The following HIVEP3 variants were observed in gnomAD, a reference collection of about 807,000 sequenced individuals.
The protein encoded by HIVEP3 is HIVEP zinc finger 3, also known as transcription factor HIVEP3.
Under a neutral mutation model 152.8 loss-of-function variants are expected in HIVEP3, and 49 were observed. The observed-to-expected ratio is 0.32, with a 90% CI of 0.26 to 0.41. The LOEUF (loss-of-function observed/expected upper bound fraction) is 0.41, where lower values mean the gene tolerates loss of function less well. Ranked by LOEUF, HIVEP3 falls within the 10% of genes least tolerant of loss-of-function variation. The pLI, the probability that HIVEP3 is intolerant of heterozygous loss-of-function variation, is 1.00. For synonymous variants in HIVEP3, 1,269 were observed against 1,289.0 expected (o/e 0.98, Z 0.33); for missense variants, 2,790 against 3,103.3 (o/e 0.90, Z 2.40).
chr1:41,587,417 C>A (rs960284401), intron 3 of HIVEP3, among the ~76,000 whole-genome samples: 5 of 152,144 alleles, frequency 3.3e-5, no homozygotes, highest in Admixed American at 6.5e-5. Flanking sequence ...ACAGGGTGGC[C>A]ATATAAGATA....
intron 1 of HIVEP3, among the ~76,000 whole-genome samples, chr1:41,839,610 T>C (rs958506059): frequency 6.6e-6 from 1 of 152,130 alleles, no homozygotes; most frequent in Non-Finnish European, 1.5e-5. Flanking sequence ...AGGGCGTGAG[T>C]ACTCTGGAGT....
intron 1 of HIVEP3, among the ~76,000 whole-genome samples, chr1:41,916,908 C>T (rs3795721): frequency 0.15 from 22,809 of 152,006 alleles, 1,841 homozygotes; most frequent in Admixed American, 0.24. Context: ...CTCCAGGGTG[C>T]AAGAGGGGTG....
intron 5 of HIVEP3, among the ~76,000 whole-genome samples, chr1:41,555,304 G>T (rs1226855451): frequency 1.3e-5 from 2 of 152,246 alleles, no homozygotes; most frequent in African/African-American, 4.8e-5. Flanking sequence ...TGCTGAGCCA[G>T]GCGCAGAATA....
chr1:41,920,858 C>T (rs1385748948), upstream of HIVEP3, among the ~76,000 whole-genome samples: 1 of 152,218 alleles, frequency 6.6e-6, no homozygotes, highest in Non-Finnish European at 1.5e-5. Flanking sequence ...GTAATTTAAT[C>T]TTAGTCCCTC....
At chr1:41,877,994 A>G (rs1034514414) in intron 1 of HIVEP3, among the ~76,000 whole-genome samples, 5 of 152,210 alleles carry the variant, frequency 3.3e-5, no homozygotes, top group African/African-American at 1.2e-4. Flanking sequence ...ATGAAGACAT[A>G]AATTGGAGAC....
chr1:41,710,286 G>T (rs755627307), intron 1 of HIVEP3, among the ~76,000 whole-genome samples: 1 of 152,116 alleles, frequency 6.6e-6, no homozygotes, highest in African/African-American at 2.4e-5. Flanking sequence ...GATTCTAAAA[G>T]TGTACCCTCT....
At chr1:42,000,073 G>A (rs1036648828) in intron 1 of HIVEP3, among the ~76,000 whole-genome samples, 1 of 152,062 alleles carries the variant, frequency 6.6e-6, no homozygotes, top group Non-Finnish European at 1.5e-5. Context: ...GTGTAGACTG[G>A]TTCAGCTAAA....
At position 41,508,363 on chromosome 1, in the gene HIVEP3, G is replaced by A. The variant is rs1644405368; in HGVS notation, c.*2088C>T. 6.6e-6 allele frequency: 1 copy of A among 152,316 alleles called. No individual in the cohort carries two copies. Among genetic ancestry groups the A allele is most frequent in the Non-Finnish European group, 1.5e-5 (1 of 68,092 alleles). The allele number at this position is 152,316 out of a possible 1,614,324, so 9.4% of individuals were successfully genotyped here. A position where few individuals can be genotyped will look rare whatever the true frequency, so the allele number is the denominator to read the frequency against. The stretch of plus-strand genomic sequence containing the variant: ...GAAAAGCCCTGGCCTCCTGGGACTT[G>A]GAGGAGTCACTTTCTGTCAGGCCAC... On this transcript the variant is annotated 3_prime_UTR_variant, in exon 9 of 9. Coordinates refer to ENST00000372583, the MANE Select transcript of HIVEP3 (RefSeq NM_024503.5).
At chr1:41,548,105 T>C (rs887454554) in intron 5 of HIVEP3, among the ~76,000 whole-genome samples, 13 of 152,194 alleles carry the variant, frequency 8.5e-5, no homozygotes, top group African/African-American at 2.9e-4. Flanking sequence ...CAGAGGTGCT[T>C]TCTGAGCCTT....
intron 1 of HIVEP3, among the ~76,000 whole-genome samples, chr1:41,821,941 CCATTTTGATGTGA>C (rs1291383712): frequency 2.6e-4 from 40 of 152,296 alleles, no homozygotes; most frequent in African/African-American, 8.7e-4. Context: ...GATGCACAGG[CCATTTTGATGTGA>C]AGGTCCTCCT....
At chr1:41,591,088 T>C (rs1055268746) in intron 3 of HIVEP3, among the ~76,000 whole-genome samples, 7 of 152,204 alleles carry the variant, frequency 4.6e-5, no homozygotes, top group African/African-American at 1.7e-4. Flanking sequence ...ATCATTGCTA[T>C]TGGAGAAAGC....
chr1:41,729,472 C>T (rs1258554668), intron 1 of HIVEP3, among the ~76,000 whole-genome samples: 1 of 152,214 alleles, frequency 6.6e-6, no homozygotes. Flanking sequence ...CCACGGGTTT[C>T]CCAGGGTTCC....
At chr1:41,660,750 T>G (rs1558157282) in intron 2 of HIVEP3, among the ~76,000 whole-genome samples, 2 of 151,938 alleles carry the variant, frequency 1.3e-5, no homozygotes, top group Non-Finnish European at 2.9e-5. Context: ...AGTTAAAGAG[T>G]CTTTTATTGC....
At chr1:41,854,517 CT>C (rs998972000) in intron 1 of HIVEP3, among the ~76,000 whole-genome samples, 2,387 of 103,574 alleles carry the variant, frequency 0.023, 41 homozygotes, top group African/African-American at 0.078. Context: ...TCTTGCTGCA[CT>C]TTTTTTTTTT....
intron 3 of HIVEP3, among the ~76,000 whole-genome samples, chr1:41,597,468 C>T (rs2149121126): frequency 6.6e-6 from 1 of 152,340 alleles, no homozygotes; most frequent in South Asian, 2.1e-4. Flanking sequence ...TGTGCCAGGG[C>T]TGTTCTTAGT....
At chr1:42,023,032 T>C (rs1261338910) in intron 1 of HIVEP3, among the ~76,000 whole-genome samples, 1 of 152,234 alleles carries the variant, frequency 6.6e-6, no homozygotes, top group East Asian at 1.9e-4. Flanking sequence ...TTTGATTTAT[T>C]TTTATTTATT....
At chr1:41,627,567 AC>A (rs1324880144) in intron 3 of HIVEP3, among the ~76,000 whole-genome samples, 1 of 152,102 alleles carries the variant, frequency 6.6e-6, no homozygotes, top group African/African-American at 2.4e-5. Context: ...GGCTCTAGCC[AC>A]CCCGAAGTCC....
intron 1 of HIVEP3, among the ~76,000 whole-genome samples, chr1:41,765,817 A>G (rs1363382968): frequency 6.6e-6 from 1 of 151,930 alleles, no homozygotes; most frequent in East Asian, 1.9e-4. Flanking sequence ...GATGGTTTTC[A>G]TGGGGTCCAT....
At chr1:41,945,521 G>A (rs549166923) in intron 1 of HIVEP3, among the ~76,000 whole-genome samples, 6 of 152,238 alleles carry the variant, frequency 3.9e-5, no homozygotes, top group African/African-American at 1.4e-4. Context: ...GAGAAGTGCC[G>A]CCATAACTGC....
Sources: allele counts gnomAD v4.1 joint callset (sites outside exome capture counted in the v4.1 genomes callset), GRCh38; gene constraint gnomAD v4.1.1; transcripts MANE v1.5; gene names NCBI Gene and HGNC (gene_info 2026-07-23, HGNC 2026-07-21).